PRSS38: variants seen among roughly 807,000 people sequenced by gnomAD.
The protein encoded by PRSS38 is serine protease 38.
Under a neutral mutation model 26.8 loss-of-function variants are expected in PRSS38, and 22 were observed. The observed-to-expected ratio is 0.82, with a 90% CI of 0.59 to 1.17. The LOEUF (loss-of-function observed/expected upper bound fraction) is 1.17. Among genes scored for constraint, PRSS38 ranks in the 50% most tolerant of loss-of-function variants. PRSS38 has a pLI of 0.00. For synonymous variants in PRSS38, 175 were observed against 172.1 expected, an observed-to-expected ratio of 1.02 and a Z score of -0.13; for missense variants, 427 against 422.7, an observed-to-expected ratio of 1.01 and a Z score of -0.09.
In PRSS38 at chr1:227,816,296, C is replaced by G. The variant is rs1361005973; in HGVS notation, c.311+44C>G. 1.3e-6 allele frequency: 2 copies of G among 1,579,896 alleles called. No homozygotes were observed. The highest frequency in any genetic ancestry group is 1.7e-6 in the Non-Finnish European group (2 of 1,156,488). On this transcript the variant is annotated intron_variant, in intron 2 of 4. Coordinates refer to ENST00000366757, the Ensembl canonical transcript of PRSS38. This position sits in a 1 kb window ranked among gnomAD's most constrained non-coding sequence, Gnocchi z 5.1. ...GGGATGGTGTGGGTAGCTGGGCCTG[C>G]ACGGAGTGCCCACAGCGGCTTGGAT...
chr1:227,820,833 G>T (rs944418329), intron 3 of PRSS38, among the ~76,000 whole-genome samples: 3 of 152,128 alleles, frequency 2.0e-5, no homozygotes, highest in African/African-American at 7.2e-5. Flanking sequence ...ATTTACCAGT[G>T]AAGCCATCTG....
intron 3 of PRSS38, among the ~76,000 whole-genome samples, chr1:227,833,588 T>C (rs1665193944): frequency 6.6e-6 from 1 of 151,774 alleles, no homozygotes; most frequent in Admixed American, 6.6e-5. Flanking sequence ...ACCATGAAGC[T>C]GCAATAGTCA....
At chr1:227,843,220 CG>C (rs1308785516) in intron 3 of PRSS38, among the ~76,000 whole-genome samples, 1 of 152,200 alleles carries the variant, frequency 6.6e-6, no homozygotes, top group Admixed American at 6.5e-5. Flanking sequence ...ACTTGGTTTA[CG>C]ATGCTCCAGT....
At chr1:227,844,893 GTA>G (rs1376221625) in intron 3 of PRSS38, among the ~76,000 whole-genome samples, 12 of 143,010 alleles carry the variant, frequency 8.4e-5, no homozygotes, top group East Asian at 2.2e-4. Flanking sequence ...TCCTCCCTAT[GTA>G]CGGTCAGGGC....
At chr1:227,841,536 C>A (rs944193527) in intron 3 of PRSS38, among the ~76,000 whole-genome samples, 1 of 152,234 alleles carries the variant, frequency 6.6e-6, no homozygotes, top group African/African-American at 2.4e-5. Flanking sequence ...CTTTAAATAG[C>A]GTAACTCCAT....
At chr1:227,832,809 G>A (rs751909182) in intron 3 of PRSS38, among the ~76,000 whole-genome samples, 2 of 151,988 alleles carry the variant, frequency 1.3e-5, no homozygotes, top group Non-Finnish European at 2.9e-5. Flanking sequence ...ATCAAACTAC[G>A]GATAATTTTT....
At chr1:227,843,877 G>C (rs770449634) in intron 3 of PRSS38, among the ~76,000 whole-genome samples, 3 of 151,724 alleles carry the variant, frequency 2.0e-5, no homozygotes, top group Non-Finnish European at 4.4e-5. Context: ...AAAGTTAGCC[G>C]GGTGTGGTGG....
exon 3 of PRSS38, chr1:227,817,442 A>T (rs572218312): frequency 3.8e-5 from 62 of 1,614,050 alleles, no homozygotes; most frequent in Non-Finnish European, 5.1e-5. Context: ...ACCAGTGCCA[A>T]TTGCTGGGCT....
chr1:227,823,925 A>G (rs998818603), intron 3 of PRSS38, among the ~76,000 whole-genome samples: 2 of 152,218 alleles, frequency 1.3e-5, no homozygotes, highest in Non-Finnish European at 2.9e-5. Flanking sequence ...ATGTGAGTGC[A>G]GGTATTTTTT....
intron 3 of PRSS38, among the ~76,000 whole-genome samples, chr1:227,844,772 C>T (rs1665393704): frequency 6.8e-6 from 1 of 146,140 alleles, no homozygotes; most frequent in African/African-American, 2.6e-5. Context: ...TGGTGGGGAT[C>T]CTCCCTCTGA....
At chr1:227,846,332 G>A (rs1488346886) in exon 5 of PRSS38, 3 of 1,263,088 alleles carry the variant, frequency 2.4e-6, no homozygotes, top group Non-Finnish European at 3.3e-6. Flanking sequence ...CTATCCCGGG[G>A]GTGGATGCTG....
intron 3 of PRSS38, among the ~76,000 whole-genome samples, chr1:227,823,551 T>C (rs1298566501): frequency 6.6e-6 from 1 of 152,168 alleles, no homozygotes; most frequent in Non-Finnish European, 1.5e-5. Flanking sequence ...TAGGAGGTGT[T>C]TGGATCATAG....
intron 3 of PRSS38, among the ~76,000 whole-genome samples, chr1:227,833,705 C>T (rs78019363): frequency 0.019 from 2,935 of 152,248 alleles, 95 homozygotes; most frequent in African/African-American, 0.065. Context: ...AAGTCCATTC[C>T]ATGGGGAAGG....
chr1:227,817,319 A>G, exon 3 of PRSS38: 2 of 1,614,172 alleles, frequency 1.2e-6, no homozygotes, highest in Middle Eastern at 1.6e-4. Flanking sequence ...CACCCCACAT[A>G]TGAGATGTAC....
At chr1:227,828,628 G>A (rs1665108655) in intron 3 of PRSS38, among the ~76,000 whole-genome samples, 1 of 152,218 alleles carries the variant, frequency 6.6e-6, no homozygotes, top group African/African-American at 2.4e-5. Flanking sequence ...CAGCCTGCCG[G>A]CTCTGGAGAG....
chr1:227,820,303 C>T (rs10916217), intron 3 of PRSS38, among the ~76,000 whole-genome samples: 89,243 of 151,422 alleles, frequency 0.59, 28,340 homozygotes, highest in African/African-American at 0.83. Context: ...TATTTCTTTT[C>T]CTTGTCTAAA....
At chr1:227,834,499 T>A (rs952020012) in intron 3 of PRSS38, among the ~76,000 whole-genome samples, 15 of 151,982 alleles carry the variant, frequency 9.9e-5, no homozygotes, top group African/African-American at 3.6e-4. Flanking sequence ...TGAAACTCAG[T>A]CTCTACAAAA....
chr1:227,835,728 C>A (rs58660861), intron 3 of PRSS38, among the ~76,000 whole-genome samples: 4 of 152,046 alleles, frequency 2.6e-5, no homozygotes, highest in Non-Finnish European at 5.9e-5. Flanking sequence ...TTGTGTGATT[C>A]GATGTATAAG....
In PRSS38 at chr1:227,816,746, G is replaced by A. The variant is rs1211701150; in HGVS notation, c.312-463G>A. ...GGCTGGTCCTCAAGTGCACAGCCAGGTCCCACAAAAGTGAGGCTGCTCCTC... is the reference window on the plus strand; with the variant it reads ...GGCTGGTCCTCAAGTGCACAGCCAGATCCCACAAAAGTGAGGCTGCTCCTC... On this transcript the variant is annotated intron_variant, in intron 2 of 4. Transcript: ENST00000366757. This position sits in a 1 kb window ranked among gnomAD's most constrained non-coding sequence, Gnocchi z 5.1. Among the ~76,000 whole-genome samples the A allele has an allele frequency of 6.6e-6, 1 of 151,986 alleles. No homozygotes were observed. The highest frequency in any genetic ancestry group is 2.4e-5 in the African/African-American group (1 of 41,330).
Sources: gnomAD v4.1 joint callset for allele counts (sites outside exome capture counted in the v4.1 genomes callset) on GRCh38, gnomAD v4.1.1 for gene constraint, Gnocchi (gnomAD v3.1) non-coding constraint, MANE v1.5 for transcripts, NCBI Gene and HGNC (gene_info 2026-07-23, HGNC 2026-07-21) for gene names.